SEC23B: variants seen among roughly 807,000 people sequenced by gnomAD.
The protein encoded by SEC23B is SEC23 homolog B, COPII component.
A neutral mutation model predicts 104.3 loss-of-function variants in SEC23B; 77 were observed. The ratio of observed to expected loss-of-function variants is 0.74; its 90% CI spans 0.61 to 0.89. The LOEUF is 0.89. SEC23B is among the 40% of genes least tolerant of loss of function. SEC23B has a pLI of 0.00. For synonymous variants in SEC23B, 338 were observed against 332.5 expected (o/e 1.02, Z -0.18); for missense variants, 885 against 949.4 (o/e 0.93, Z 0.89).
chr20:18,533,013 C>G (rs772761126), intron 11 of SEC23B, among the ~76,000 whole-genome samples: 1 of 152,222 alleles, frequency 6.6e-6, no homozygotes, highest in Non-Finnish European at 1.5e-5. Flanking sequence ...GCCCAGGTGC[C>G]CCTGACTCCA....
chr20:18,528,201 G>A (rs887635746), intron 9 of SEC23B, among the ~76,000 whole-genome samples: 2 of 152,162 alleles, frequency 1.3e-5, no homozygotes, highest in African/African-American at 2.4e-5. Context: ...CGGAAACCCC[G>A]GGAATGCAGC....
chr20:18,517,712 T>G (rs898019230), intron 4 of SEC23B, among the ~76,000 whole-genome samples: 1 of 152,136 alleles, frequency 6.6e-6, no homozygotes, highest in Non-Finnish European at 1.5e-5. Flanking sequence ...GTGGGAGAGA[T>G]TCAACTGAAG....
In SEC23B at chr20:18,510,984, A is replaced by G; in HGVS notation, c.149A>G (p.Asp50Gly). ...CTTACTCCTTTGAAAGAACGTCCAG[A>G]CCTACCTCCTGTACAATATGAACCT... ...CLLTPLKERP[D>G]LPPVQYEPVL... The change falls in exon 2 of 20, where the codon GAC becomes GGC. Residue 50 changes from aspartate to glycine, a missense_variant. Coordinates refer to ENST00000650089, the MANE Select transcript of SEC23B (RefSeq NM_006363.6). The G allele has an allele frequency of 6.2e-7, 1 of 1,614,182 alleles. No homozygotes were observed. The highest frequency in any genetic ancestry group is 8.5e-7 in the Non-Finnish European group (1 of 1,180,020).
At chr20:18,527,334 C>T (rs2148900833) in intron 8 of SEC23B, among the ~76,000 whole-genome samples, 162 bp from the exon 9 acceptor site, 1 of 152,284 alleles carries the variant, frequency 6.6e-6, no homozygotes, top group Middle Eastern at 3.4e-3. Context: ...GTGGAGATCG[C>T]ACCACTGCAC....
At chr20:18,542,953 T>G in intron 13 of SEC23B, 66 bp from the exon 14 acceptor site, 1 of 1,602,472 alleles carries the variant, frequency 6.2e-7, no homozygotes. Flanking sequence ...TTTCTTTTTC[T>G]GAATGGATGT....
chr20:18,540,545 G>T (rs1372027725), intron 12 of SEC23B, among the ~76,000 whole-genome samples: 1 of 152,176 alleles, frequency 6.6e-6, no homozygotes, highest in Non-Finnish European at 1.5e-5. Flanking sequence ...TGGTAAATGA[G>T]CATTGGCTTC....
In SEC23B at chr20:18,535,649, C is replaced by T. The variant is rs1264843230; in HGVS notation, c.1315-4C>T. 1.9e-6 allele frequency: 3 copies of T among 1,613,582 alleles called. No homozygotes were observed. The highest frequency in any genetic ancestry group is 1.1e-5 in the South Asian group (1 of 91,050). On this transcript the variant is annotated splice_region_variant and splice_polypyrimidine_tract_variant and intron_variant, in intron 11 of 19. Coordinates refer to ENST00000650089, the MANE Select transcript of SEC23B (RefSeq NM_006363.6). Reference sequence around the variant, plus strand: ...GTTTTTCAAATTCCTCTTCCCACCCCCAGGAGCTTGGTGTTGGTGGCACGA... The same window carrying T: ...GTTTTTCAAATTCCTCTTCCCACCCTCAGGAGCTTGGTGTTGGTGGCACGA...
chr20:18,526,080 A>G, intron 7 of SEC23B, 148 bp downstream of exon 7: 1 of 1,018,000 alleles, frequency 9.8e-7, no homozygotes, highest in Non-Finnish European at 1.5e-6. Flanking sequence ...ATTATCATTC[A>G]CGTTGAGGGA....
chr20:18,529,874 A>G (rs1198661918), intron 9 of SEC23B, among the ~76,000 whole-genome samples: 1 of 152,230 alleles, frequency 6.6e-6, no homozygotes, highest in African/African-American at 2.4e-5. Flanking sequence ...GTTCTTCAAG[A>G]TTCTGAGATC....
intron 1 of SEC23B, among the ~76,000 whole-genome samples, chr20:18,508,917 T>G (rs1407153417): frequency 6.6e-6 from 1 of 151,972 alleles, no homozygotes; most frequent in Non-Finnish European, 1.5e-5. Context: ...GACGGGGTTT[T>G]GCCATGTTGG....
intron 9 of SEC23B, among the ~76,000 whole-genome samples, chr20:18,528,752 A>T (rs2060156431): frequency 6.6e-6 from 1 of 152,256 alleles, no homozygotes; most frequent in East Asian, 1.9e-4. Context: ...ACGGCCTTCC[A>T]GGAGTTCTGA....
At chr20:18,511,682 T>G (rs1295382034) in intron 2 of SEC23B, among the ~76,000 whole-genome samples, 1 of 152,198 alleles carries the variant, frequency 6.6e-6, no homozygotes, top group East Asian at 1.9e-4. Flanking sequence ...AGCCACTGGT[T>G]ATTAATTTTC....
chr20:18,551,032 G>A (rs2060382482), intron 16 of SEC23B, 57 bp from the exon 17 acceptor site: 2 of 1,101,780 alleles, frequency 1.8e-6, no homozygotes, highest in African/African-American at 1.5e-5. Flanking sequence ...GGTGGAAGTG[G>A]TTGCTGTGTG....
At chr20:18,513,473 C>T (rs1428523600) in intron 3 of SEC23B, among the ~76,000 whole-genome samples, 3 of 152,096 alleles carry the variant, frequency 2.0e-5, no homozygotes, top group Non-Finnish European at 2.9e-5. Flanking sequence ...TTTTATGTTG[C>T]GTAAACTATA....
At chr20:18,541,202 AAG>A (rs1389063519) in intron 12 of SEC23B, among the ~76,000 whole-genome samples, 3 of 152,210 alleles carry the variant, frequency 2.0e-5, no homozygotes, top group African/African-American at 7.2e-5. Context: ...TCATAAATTG[AAG>A]AGAGTTGGGA....
rs145142114 is a variant in SEC23B, at chr20:18,510,923, G to A, written c.88G>A (p.Glu30Lys). Reference protein sequence around the residue: ...SWNVWPSSRLEATRMVVPLAC... With the variant: ...SWNVWPSSRLKATRMVVPLAC... ...GAACGTGTGGCCTTCCAGCCGGCTG[G>A]AGGCTACAAGAATGGTTGTACCCCT... is the stretch of plus-strand genomic sequence containing the variant. The change falls in exon 2 of 20, where the codon GAG becomes AAG. Residue 30 changes from glutamate (E) to lysine (K), a missense_variant. Physicochemically the swap from Glu to Lys is moderately conservative, Grantham distance 56. Transcript: ENST00000650089. 38 of 1,614,002 alleles carry A rather than the reference G, an allele frequency of 2.4e-5. No homozygotes were observed. The highest frequency in any genetic ancestry group is 3.2e-5 in the Non-Finnish European group (38 of 1,180,014).
At chr20:18,547,167 C>G (rs889454219) in intron 15 of SEC23B, among the ~76,000 whole-genome samples, 2 of 152,112 alleles carry the variant, frequency 1.3e-5, no homozygotes, top group African/African-American at 4.8e-5. Context: ...AGGCCAACAG[C>G]CCAGTCTCTA....
chr20:18,550,116 A>G (rs2060373754), intron 16 of SEC23B, among the ~76,000 whole-genome samples: 1 of 122,372 alleles, frequency 8.2e-6, no homozygotes, highest in South Asian at 2.9e-4. Flanking sequence ...ATAAATATAA[A>G]TTATATACTT....
Position 18,542,411 on chromosome 20 carries a change from C to T in SEC23B, c.1511+9C>T. 1 of 1,607,798 alleles carries T rather than the reference C, an allele frequency of 6.2e-7. No individual in the cohort carries two copies. The highest frequency in any genetic ancestry group is 8.5e-7 in the Non-Finnish European group (1 of 1,174,214). Reference sequence around the variant, plus strand: ...ACCACCATCGCCCGAAAGTAAGCAGCCCCAGTTTCCTTTCTGTTGAGGAAC... The same window carrying T: ...ACCACCATCGCCCGAAAGTAAGCAGTCCCAGTTTCCTTTCTGTTGAGGAAC... On this transcript the variant is annotated intron_variant, in intron 13 of 19. Transcript: ENST00000650089.
Sources: gnomAD v4.1 joint callset for allele counts (sites outside exome capture counted in the v4.1 genomes callset) on GRCh38, gnomAD v4.1.1 for gene constraint, MANE v1.5 for transcripts, NCBI Gene and HGNC (gene_info 2026-07-23, HGNC 2026-07-21) for gene names.